The following GOLGA4 variants were observed in gnomAD, a reference collection of about 807,000 sequenced individuals.
The protein encoded by GOLGA4 is golgin A4, also known as golgin subfamily A member 4.
In GOLGA4, 169 loss-of-function variants were observed where a neutral mutation model predicts 265.9. The ratio of observed to expected loss-of-function variants is 0.64; its 90% confidence interval spans 0.56 to 0.72. GOLGA4 has a LOEUF of 0.72. Among genes scored for constraint, GOLGA4 ranks in the 30% least tolerant of loss-of-function variants. The pLI is 0.00. For missense variants in GOLGA4, 2,482 were observed against 2,483.4 expected (o/e 1.00, Z 0.01); for synonymous variants, 923 against 855.8 (o/e 1.08, Z -1.37).
At chr3:37,246,326 T>C (rs892381223) in intron 1 of GOLGA4, among the ~76,000 whole-genome samples, 2 of 150,950 alleles carry the variant, frequency 1.3e-5, no homozygotes, top group African/African-American at 4.9e-5. Flanking sequence ...AAAAAAAATA[T>C]GTTTTAACAA....
intron 2 of GOLGA4, chr3:37,276,547 GACA>G (rs1246780934): frequency 1.9e-6 from 3 of 1,599,350 alleles, no homozygotes; most frequent in African/African-American, 1.3e-5. Context: ...ATGAACCAGT[GACA>G]ACATTTGTTG....
At chr3:37,261,761 C>T (rs1158399312) in intron 2 of GOLGA4, among the ~76,000 whole-genome samples, 1 of 152,090 alleles carries the variant, frequency 6.6e-6, no homozygotes, top group Non-Finnish European at 1.5e-5. Flanking sequence ...CTAGAGCTCT[C>T]AGTGGTCCAT....
rs550046640 is a variant in GOLGA4, at chr3:37,364,243, C to CT, written c.*34-1829dup. Among the ~76,000 whole-genome samples, 5 of 151,932 alleles carry CT rather than the reference C, an allele frequency of 3.3e-5. No homozygotes were observed. In the South Asian group the frequency reaches 6.2e-4, roughly 19 times the overall value. ...GGTTTTAGCATTTTCTTTTCCTTTTCTTTTTTTTATATTTGAGACGGAGTT... is the reference window on the plus strand; with the variant it reads ...GGTTTTAGCATTTTCTTTTCCTTTTCTTTTTTTTTATATTTGAGACGGAGTT... On this transcript the variant is annotated intron_variant, in intron 23 of 23. Transcript: ENST00000361924.
rs1696734923 is a variant in GOLGA4, at chr3:37,366,190, A to G, written c.*144A>G. 9.3e-7 allele frequency: 1 copy of G among 1,074,050 alleles called. No individual in the cohort carries two copies. Among genetic ancestry groups the G allele is most frequent in the Non-Finnish European group, 1.3e-6 (1 of 771,704 alleles). The allele number at this position is 1,074,050 out of a possible 1,614,324, so 66.5% of individuals were successfully genotyped here. ...ATGAAGTTGTCATTCAGGGCCCCTC[A>G]TGTAGCCAAAAGACCAAGAAAAATC... On this transcript the variant is annotated 3_prime_UTR_variant, in exon 24 of 24. Transcript: ENST00000361924.
At chr3:37,360,220 A>T (rs1016020587) in intron 22 of GOLGA4, among the ~76,000 whole-genome samples, 4 of 152,092 alleles carry the variant, frequency 2.6e-5, no homozygotes, top group Non-Finnish European at 4.4e-5. Flanking sequence ...CCTTATTACA[A>T]ATTGGTCTCA....
intron 4 of GOLGA4, among the ~76,000 whole-genome samples, chr3:37,287,985 A>G (rs73825060): frequency 1.1e-3 from 161 of 152,272 alleles, no homozygotes; most frequent in African/African-American, 3.1e-3. Context: ...CTTTGTTTCC[A>G]TAGGTCATAA....
At chr3:37,274,080 A>G (rs995468773) in intron 2 of GOLGA4, among the ~76,000 whole-genome samples, 4 of 150,064 alleles carry the variant, frequency 2.7e-5, no homozygotes, top group African/African-American at 9.8e-5. Flanking sequence ...AGCCTGAGCA[A>G]CAGAGTGAGG....
At chr3:37,279,120 A>G (rs1468836045) in intron 2 of GOLGA4, among the ~76,000 whole-genome samples, 1 of 152,198 alleles carries the variant, frequency 6.6e-6, no homozygotes, top group African/African-American at 2.4e-5. Context: ...GTTGACAGCA[A>G]GGTTGAAGAC....
chr3:37,344,468 A>G (rs1404611482), intron 20 of GOLGA4, among the ~76,000 whole-genome samples: 4 of 144,082 alleles, frequency 2.8e-5, no homozygotes, highest in African/African-American at 5.1e-5. Context: ...CCGTTTGTCT[A>G]TGCCTGCTCT....
chr3:37,362,232 TA>T (rs1559479498), intron 23 of GOLGA4, among the ~76,000 whole-genome samples: 132 of 120,266 alleles, frequency 1.1e-3, no homozygotes, highest in African/African-American at 3.5e-3. Context: ...TTTATTTATT[TA>T]TTTATTATTT....
intron 23 of GOLGA4, among the ~76,000 whole-genome samples, chr3:37,362,753 A>T (rs1393661971): frequency 2.8e-5 from 4 of 144,358 alleles, no homozygotes; most frequent in African/African-American, 1.0e-4. Flanking sequence ...CCTGGGCTCA[A>T]GCGATCTTCC....
At chr3:37,268,570 C>CT (rs1293523851) in intron 2 of GOLGA4, among the ~76,000 whole-genome samples, 3 of 151,592 alleles carry the variant, frequency 2.0e-5, no homozygotes, top group African/African-American at 7.3e-5. Context: ...GCTTTAAAAC[C>CT]TTTTTTTTCT....
At position 37,325,713 on chromosome 3, in the gene GOLGA4, C is replaced by T. The variant is rs777434552; in HGVS notation, c.3827C>T (p.Ala1276Val). 6.2e-7 allele frequency: 1 copy of T among 1,613,168 alleles called. No individual in the cohort carries two copies. Among genetic ancestry groups the T allele is most frequent in the East Asian group, 2.2e-5 (1 of 44,858 alleles). Residue 1276 changes from alanine to valine, a missense_variant, in exon 14 of 24, where the codon GCA becomes GTA. By Grantham distance (64) the Ala-to-Val change is moderately conservative. Transcript: ENST00000361924. Reference sequence around the variant, plus strand: ...ACTTGCACAGTTTCTGAATTAGAAGCACAACTTAGACAGTTGACAGAGGAG... The same window carrying T: ...ACTTGCACAGTTTCTGAATTAGAAGTACAACTTAGACAGTTGACAGAGGAG... ...IKTCTVSELEAQLRQLTEEQN... is the reference protein window; with the variant it reads ...IKTCTVSELEVQLRQLTEEQN...
intron 23 of GOLGA4, among the ~76,000 whole-genome samples, chr3:37,364,126 C>T (rs999535010): frequency 6.6e-6 from 1 of 152,138 alleles, no homozygotes; most frequent in Non-Finnish European, 1.5e-5. Context: ...CTCCCCCTAT[C>T]CACTTAATAT....
At chr3:37,255,861 A>T (rs2096747142) in intron 2 of GOLGA4, among the ~76,000 whole-genome samples, 1 of 151,838 alleles carries the variant, frequency 6.6e-6, no homozygotes, top group African/African-American at 2.4e-5. Flanking sequence ...CAAGTGATCC[A>T]TCCACCTTGG....
At chr3:37,288,642 G>C (rs2096856741) in intron 4 of GOLGA4, among the ~76,000 whole-genome samples, 2 of 151,402 alleles carry the variant, frequency 1.3e-5, no homozygotes, top group Admixed American at 1.3e-4. Context: ...ACGCCTGGCT[G>C]ATTTTTTTTG....
chr3:37,324,988 G>A lies in GOLGA4; in HGVS notation c.3102G>A (p.Glu1034=), dbSNP rs375892785. 1.8e-5 allele frequency: 29 copies of A among 1,612,876 alleles called. No individual in the cohort carries two copies. The African/African-American group carries it at 2.0e-4, about 11-fold the overall frequency. The change falls in exon 14 of 24, where the codon GAG becomes GAA. Residue 1034 remains glutamate (E), a synonymous_variant. Coordinates refer to ENST00000361924, the MANE Select transcript of GOLGA4 (RefSeq NM_002078.5). ...NQKEQIESLT[E]VHRRELNDVI... The stretch of plus-strand genomic sequence containing the variant: ...AAGAACAAATAGAAAGTCTTACTGA[G>A]GTTCATCGACGAGAACTCAATGATG...
intron 10 of GOLGA4, among the ~76,000 whole-genome samples, chr3:37,310,245 G>GTAA (rs2096919408): frequency 6.6e-6 from 1 of 152,156 alleles, no homozygotes; most frequent in African/African-American, 2.4e-5. Flanking sequence ...TAACAAAATA[G>GTAA]TAATGCTGCA....
At chr3:37,298,801 G>A in intron 7 of GOLGA4, 32 bp from the exon 8 acceptor site, 1 of 1,492,272 alleles carries the variant, frequency 6.7e-7, no homozygotes, top group Non-Finnish European at 9.2e-7. Context: ...ATTCCTTACT[G>A]ATGGGCCCTT....
Sources: allele counts gnomAD v4.1 joint callset (sites outside exome capture counted in the v4.1 genomes callset), GRCh38; gene constraint gnomAD v4.1.1; transcripts MANE v1.5; gene names NCBI Gene and HGNC (gene_info 2026-07-23, HGNC 2026-07-21).